NRG1: variants seen among roughly 807,000 people sequenced by gnomAD.
The protein encoded by NRG1 is pro-neuregulin-1, membrane-bound isoform.
A neutral mutation model predicts 63.8 loss-of-function variants in NRG1; 18 were observed. The observed-to-expected ratio is 0.28, with a 90% CI of 0.19 to 0.42. The LOEUF (loss-of-function observed/expected upper bound fraction) is 0.42, where lower values mean the gene tolerates loss of function less well. NRG1 is among the 10% of genes least tolerant of loss of function. The pLI, the probability that NRG1 is intolerant of heterozygous loss-of-function variation, is 1.00. For missense variants in NRG1, 762 were observed against 814.7 expected, an observed-to-expected ratio of 0.94 and a Z score of 0.79; for synonymous variants, 302 against 301.3, an observed-to-expected ratio of 1.00 and a Z score of -0.02.
At chr8:31,736,807 T>G (rs191889187) in intron 1 of NRG1, among the ~76,000 whole-genome samples, 33 of 152,316 alleles carry the variant, frequency 2.2e-4, no homozygotes, top group Non-Finnish European at 3.5e-4. Flanking sequence ...ATAACTCAAG[T>G]AGATAAGTAG....
chr8:32,525,535 G>C (rs1000841831), intron 1 of NRG1, among the ~76,000 whole-genome samples: 1 of 151,838 alleles, frequency 6.6e-6, no homozygotes, highest in Non-Finnish European at 1.5e-5. Context: ...TCTATTTTCA[G>C]TCTGAGACCA....
intron 1 of NRG1, among the ~76,000 whole-genome samples, chr8:32,416,976 G>C (rs903606508): frequency 1.3e-5 from 2 of 152,122 alleles, no homozygotes; most frequent in African/African-American, 4.8e-5. Flanking sequence ...TGAAGTCACT[G>C]TGCTTGGCGT....
chr8:31,792,649 C>G (rs1400196959), intron 1 of NRG1, among the ~76,000 whole-genome samples: 1 of 152,112 alleles, frequency 6.6e-6, no homozygotes, highest in Admixed American at 6.6e-5. Flanking sequence ...TTTTTGTTTT[C>G]TTTAAGTCTG....
At chr8:31,752,606 C>T (rs113115093) in intron 1 of NRG1, among the ~76,000 whole-genome samples, 4 of 152,112 alleles carry the variant, frequency 2.6e-5, no homozygotes, top group African/African-American at 9.6e-5. Flanking sequence ...ATTTTGAAGT[C>T]ACAGCCGTTG....
intron 1 of NRG1, among the ~76,000 whole-genome samples, chr8:32,037,772 G>A (rs1439669098): frequency 6.6e-6 from 1 of 152,202 alleles, no homozygotes; most frequent in African/African-American, 2.4e-5. Flanking sequence ...CAGTCTCGCT[G>A]GCACCTGCAG....
intron 1 of NRG1, among the ~76,000 whole-genome samples, chr8:32,155,941 A>G (rs546628424): frequency 1.1e-4 from 17 of 152,276 alleles, no homozygotes; most frequent in African/African-American, 4.1e-4. Flanking sequence ...CTAAGCTACC[A>G]TCACCCCTCA....
At chr8:31,713,513 T>C (rs1254260125) in intron 1 of NRG1, among the ~76,000 whole-genome samples, 1 of 152,162 alleles carries the variant, frequency 6.6e-6, no homozygotes, top group Non-Finnish European at 1.5e-5. Flanking sequence ...TTTGTTGGTA[T>C]TTTCTGAGAA....
intron 1 of NRG1, among the ~76,000 whole-genome samples, chr8:32,365,155 T>C (rs1435577468): frequency 6.6e-6 from 1 of 152,088 alleles, no homozygotes; most frequent in Admixed American, 6.6e-5. Context: ...CGTAAAGTGC[T>C]GGAATTACAG....
intron 1 of NRG1, among the ~76,000 whole-genome samples, chr8:31,957,836 G>A (rs1804705749): frequency 6.6e-6 from 1 of 152,126 alleles, no homozygotes; most frequent in African/African-American, 2.4e-5. Flanking sequence ...CTTATATTAA[G>A]TTGTAGAGAG....
chr8:32,740,678 A>G (rs1826117585), intron 6 of NRG1, among the ~76,000 whole-genome samples: 1 of 152,286 alleles, frequency 6.6e-6, no homozygotes, highest in East Asian at 1.9e-4. Context: ...CAGGGCAAAA[A>G]ATCTGAAACT....
At chr8:32,006,574 G>A (rs1813809625) in intron 1 of NRG1, among the ~76,000 whole-genome samples, 1 of 151,994 alleles carries the variant, frequency 6.6e-6, no homozygotes, top group South Asian at 2.1e-4. Flanking sequence ...GAAAGTCAGA[G>A]GAATTCAAAG....
intron 1 of NRG1, among the ~76,000 whole-genome samples, chr8:32,226,729 C>A (rs1293359711): frequency 2.0e-5 from 3 of 152,096 alleles, no homozygotes; most frequent in Non-Finnish European, 4.4e-5. Context: ...CACAGGACAG[C>A]AAACATGAGA....
chr8:32,049,682 A>G (rs1174499764), intron 1 of NRG1, among the ~76,000 whole-genome samples: 1 of 152,172 alleles, frequency 6.6e-6, no homozygotes, highest in Non-Finnish European at 1.5e-5. Flanking sequence ...GGTGTGTATA[A>G]AACATCAGAG....
chr8:32,170,720 T>A (rs1839936691), intron 1 of NRG1, among the ~76,000 whole-genome samples: 1 of 152,162 alleles, frequency 6.6e-6, no homozygotes, highest in Non-Finnish European at 1.5e-5. Context: ...ACAAAGAAGG[T>A]TTCATTAAGA....
At chr8:31,951,730 A>G (rs181068453) in intron 1 of NRG1, among the ~76,000 whole-genome samples, 84 of 152,302 alleles carry the variant, frequency 5.5e-4, no homozygotes, top group Admixed American at 1.0e-3. Flanking sequence ...TGGTGAGCAA[A>G]ATGAGCATGT....
At chr8:32,653,045 C>A (rs1387215890) in intron 5 of NRG1, among the ~76,000 whole-genome samples, 2 of 152,138 alleles carry the variant, frequency 1.3e-5, no homozygotes, top group African/African-American at 4.8e-5. Flanking sequence ...ATTCCGTCTA[C>A]TTTTATGCTC....
chr8:31,905,990 T>C (rs769253062), intron 1 of NRG1, among the ~76,000 whole-genome samples: 6 of 152,236 alleles, frequency 3.9e-5, no homozygotes, highest in Non-Finnish European at 5.9e-5. Context: ...ATATTAGCTA[T>C]ACTGTATTAG....
At chr8:31,980,240 A>G (rs1164244751) in intron 1 of NRG1, among the ~76,000 whole-genome samples, 5 of 151,994 alleles carry the variant, frequency 3.3e-5, no homozygotes, top group Non-Finnish European at 7.4e-5. Flanking sequence ...TTTGTTGGCT[A>G]GGTCACCTGT....
chr8:32,431,506 C>T (rs2129486774), intron 1 of NRG1, among the ~76,000 whole-genome samples: 1 of 152,214 alleles, frequency 6.6e-6, no homozygotes, highest in Non-Finnish European at 1.5e-5. Context: ...GTAACTTCAT[C>T]TGTGTGTACC....
Sources: gnomAD v4.1 joint callset for allele counts (sites outside exome capture counted in the v4.1 genomes callset) on GRCh38, gnomAD v4.1.1 for gene constraint, MANE v1.5 for transcripts, NCBI Gene and HGNC (gene_info 2026-07-23, HGNC 2026-07-21) for gene names.